UPP2: variants seen among roughly 807,000 people sequenced by gnomAD.
The protein encoded by UPP2 is UPase 2.
In UPP2, 23 loss-of-function variants were observed where a neutral mutation model predicts 26.7. That is an observed-to-expected ratio of 0.86 (90% confidence interval 0.62 to 1.22). The LOEUF is 1.22. Ranked by LOEUF, UPP2 falls within the 50% of genes most tolerant of loss-of-function variation. The pLI is 0.00. For synonymous variants in UPP2, 127 were observed against 141.3 expected (o/e 0.90, Z 0.72); for missense variants, 387 against 396.7 (o/e 0.98, Z 0.21).
chr2:158,065,635 A>T, intron 3 of UPP2: 1 of 575,284 alleles, frequency 1.7e-6, no homozygotes, highest in Non-Finnish European at 3.3e-6. Flanking sequence ...ATGTGACCTT[A>T]AACAAATTCG....
At chr2:158,062,578 A>C (rs571933483) in intron 3 of UPP2, among the ~76,000 whole-genome samples, 2 of 152,116 alleles carry the variant, frequency 1.3e-5, no homozygotes, top group Non-Finnish European at 2.9e-5. Flanking sequence ...AGCACTATCT[A>C]CCCTACCCCA....
intron 3 of UPP2, among the ~76,000 whole-genome samples, chr2:158,079,990 G>A (rs1682695435): frequency 6.6e-6 from 1 of 151,860 alleles, no homozygotes; most frequent in African/African-American, 2.4e-5. Context: ...GAAGAGTCTT[G>A]CTTAGATCCA....
intron 2 of UPP2, among the ~76,000 whole-genome samples, chr2:158,012,132 A>G (rs1046148201): frequency 1.3e-5 from 2 of 152,110 alleles, no homozygotes; most frequent in African/African-American, 4.8e-5. Flanking sequence ...CTGCCCGCAT[A>G]GACCAGTACA....
intron 3 of UPP2, among the ~76,000 whole-genome samples, chr2:158,077,566 G>A (rs1682650297): frequency 6.6e-6 from 1 of 152,068 alleles, no homozygotes; most frequent in Non-Finnish European, 1.5e-5. Flanking sequence ...TTAAGGTGCT[G>A]GGAAAACTGG....
chr2:158,113,974 A>T (rs1683370812), intron 2 of UPP2, among the ~76,000 whole-genome samples: 1 of 152,214 alleles, frequency 6.6e-6, no homozygotes, highest in Admixed American at 6.5e-5. Context: ...GGACTTGTGC[A>T]ATGTCCTTTG....
At chr2:158,074,130 T>G (rs527366133) in intron 3 of UPP2, among the ~76,000 whole-genome samples, 3 of 152,160 alleles carry the variant, frequency 2.0e-5, no homozygotes, top group African/African-American at 7.2e-5. Context: ...TGAGCCAAGA[T>G]TGTGCCACTG....
At chr2:158,103,493 G>A (rs941315549) in intron 1 of UPP2, among the ~76,000 whole-genome samples, 1 of 152,112 alleles carries the variant, frequency 6.6e-6, no homozygotes, top group Non-Finnish European at 1.5e-5. Flanking sequence ...ACTCTTTAAA[G>A]TGCCCCTGGT....
chr2:158,017,172 C>CT (rs905666728), intron 3 of UPP2, among the ~76,000 whole-genome samples: 2 of 152,176 alleles, frequency 1.3e-5, no homozygotes, highest in African/African-American at 4.8e-5. Flanking sequence ...ATTCCTGCCT[C>CT]TTAAGACCCT....
chr2:158,065,720 G>A (rs1052195853), intron 3 of UPP2: 1 of 657,856 alleles, frequency 1.5e-6, no homozygotes, highest in Non-Finnish European at 2.8e-6. Context: ...CTACTCTTCT[G>A]GAGAAAGAAG....
chr2:158,050,779 G>A (rs1055338671), intron 3 of UPP2, among the ~76,000 whole-genome samples: 2 of 152,170 alleles, frequency 1.3e-5, no homozygotes, highest in Non-Finnish European at 2.9e-5. Context: ...GGTGGAACTC[G>A]AAAGCAGATA....
chr2:158,113,231 T>C (rs1683356307), intron 2 of UPP2, among the ~76,000 whole-genome samples: 1 of 152,232 alleles, frequency 6.6e-6, no homozygotes, highest in Non-Finnish European at 1.5e-5. Flanking sequence ...AACATCTGTT[T>C]TGGTTTTATG....
At chr2:158,093,283 C>CACAA (rs1682938611) in intron 3 of UPP2, among the ~76,000 whole-genome samples, 1 of 150,934 alleles carries the variant, frequency 6.6e-6, no homozygotes, top group African/African-American at 2.5e-5. Context: ...CACACACACA[C>CACAA]ACACACACAC....
At chr2:158,047,849 A>C (rs189360687) in intron 3 of UPP2, among the ~76,000 whole-genome samples, 297 of 152,324 alleles carry the variant, frequency 1.9e-3, no homozygotes, top group East Asian at 7.7e-3. Context: ...CTGGATTACA[A>C]GTCTTCCCAA....
Position 158,071,977 on chromosome 2 carries a change from C to G in UPP2, c.148-30063C>G, listed in dbSNP as rs542865349. Among the ~76,000 whole-genome samples the G allele has an allele frequency of 5.9e-5, 9 of 152,220 alleles. No individual in the cohort carries two copies. The East Asian group carries it at 1.5e-3, about 26-fold the overall frequency. ...AAGTAAAAGGAACTTTGTCTTACAC[C>G]TTAGGTACGTATTTGGCTACAGTAG... On this transcript the variant is annotated intron_variant, in intron 3 of 9. Coordinates refer to the UPP2 transcript ENST00000605860.
intron 3 of UPP2, among the ~76,000 whole-genome samples, chr2:158,089,239 T>C (rs1371840700): frequency 2.0e-5 from 3 of 152,086 alleles, no homozygotes; most frequent in East Asian, 1.9e-4. Flanking sequence ...TTGTGCATCA[T>C]GTAGGTTGCC....
intron 4 of UPP2, among the ~76,000 whole-genome samples, chr2:158,119,414 A>T (rs1326558589): frequency 6.6e-6 from 1 of 152,060 alleles, no homozygotes; most frequent in Non-Finnish European, 1.5e-5. Flanking sequence ...AGCTTACCAA[A>T]AAGATGTATT....
intron 6 of UPP2, among the ~76,000 whole-genome samples, chr2:158,131,874 T>C (rs967131910): frequency 6.6e-6 from 1 of 152,222 alleles, no homozygotes; most frequent in African/African-American, 2.4e-5. Flanking sequence ...TTCTCCAGGG[T>C]CAAGAAAACA....
At position 158,128,385 on chromosome 2, in the gene UPP2, A is replaced by T. The variant is rs529732816; in HGVS notation, c.811+4490A>T. 1.1e-4 allele frequency among the ~76,000 whole-genome samples: 16 copies of T among 152,348 alleles called. No homozygotes were observed. In the South Asian group the frequency reaches 3.1e-3, roughly 30 times the overall value. On this transcript the variant is annotated intron_variant, in intron 6 of 6. Transcript: ENST00000005756. ...TGAGAACTGCATGAGGATCATTGAT[A>T]AAGGTAAAAAGATACCACAAGGATT...
chr2:158,091,533 C>T (rs77202705), intron 3 of UPP2, among the ~76,000 whole-genome samples: 3,345 of 152,276 alleles, frequency 0.022, 122 homozygotes, highest in African/African-American at 0.073. Context: ...AATCTCAATG[C>T]ATGGTATATT....
Sources: allele counts gnomAD v4.1 joint callset (sites outside exome capture counted in the v4.1 genomes callset), GRCh38; gene constraint gnomAD v4.1.1; transcripts MANE v1.5; gene names NCBI Gene and HGNC (gene_info 2026-07-23, HGNC 2026-07-21).